GARNL3: variants seen among roughly 807,000 people sequenced by gnomAD.
The protein encoded by GARNL3 is GTPase activating Rap/RanGAP domain like 3, also known as GTPase-activating Rap/Ran-GAP domain-like protein 3.
Under a neutral mutation model 125.0 loss-of-function variants are expected in GARNL3, and 63 were observed. The ratio of observed to expected loss-of-function variants is 0.50; its 90% CI spans 0.41 to 0.62. The LOEUF (loss-of-function observed/expected upper bound fraction) is 0.62, where lower values mean the gene tolerates loss of function less well. Ranked by LOEUF, GARNL3 falls within the 20% of genes least tolerant of loss-of-function variation. The pLI is 0.00. For missense variants in GARNL3, 994 were observed against 1,244.0 expected (o/e 0.80, Z 3.02); for synonymous variants, 439 against 457.5 (o/e 0.96, Z 0.52).
At chr9:127,288,831 A>G (rs1189854846) in intron 1 of GARNL3, among the ~76,000 whole-genome samples, 2 of 152,188 alleles carry the variant, frequency 1.3e-5, no homozygotes, top group Non-Finnish European at 1.5e-5. Flanking sequence ...CTCTTCTCCC[A>G]AGCCTTCGAC....
intron 1 of GARNL3, among the ~76,000 whole-genome samples, chr9:127,239,858 T>C (rs2063173702): frequency 6.6e-6 from 1 of 152,064 alleles, no homozygotes; most frequent in African/African-American, 2.4e-5. Context: ...AGAGTAACGA[T>C]GCCAAAAAGA....
intron 2 of GARNL3, among the ~76,000 whole-genome samples, chr9:127,308,291 A>G (rs2065009308): frequency 6.6e-6 from 1 of 152,206 alleles, no homozygotes; most frequent in Admixed American, 6.6e-5. Flanking sequence ...TAACTGGGGA[A>G]ATATCAGACA....
rs1333153929 is a variant in GARNL3, at chr9:127,387,190, T to C, written c.2389-3T>C. 2.5e-6 allele frequency: 4 copies of C among 1,610,106 alleles called. No homozygotes were observed. The highest frequency in any genetic ancestry group is 3.4e-6 in the Non-Finnish European group (4 of 1,178,028). On this transcript the variant is annotated splice_polypyrimidine_tract_variant and splice_region_variant and intron_variant, in intron 24 of 27. Coordinates refer to ENST00000373387, the MANE Select transcript of GARNL3 (RefSeq NM_032293.5). ...CCCGGTAATGCTCTCTCTTCCTTTC[T>C]AGTCGGATATATACTTCACAGCAAC...
chr9:127,272,158 C>T (rs2063838496), intron 1 of GARNL3, among the ~76,000 whole-genome samples: 1 of 150,130 alleles, frequency 6.7e-6, no homozygotes, highest in South Asian at 2.1e-4. Context: ...TGTTCAGGCA[C>T]AGATTGGATT....
rs1480969272 is a variant in GARNL3, at chr9:127,242,693, A to C, written c.-28-386A>C. Among the ~76,000 whole-genome samples the C allele has an allele frequency of 6.6e-6, 1 of 152,120 alleles. No homozygotes were observed. Among genetic ancestry groups the C allele is most frequent in the Non-Finnish European group, 1.5e-5 (1 of 68,016 alleles). On this transcript the variant is annotated intron_variant, in intron 1 of 10. Coordinates refer to the GARNL3 transcript ENST00000439286. The surrounding 1 kb of genome is among the most constrained non-coding windows in gnomAD (Gnocchi z 4.6). Reference sequence around the variant, plus strand: ...AAACCAAGTGCTCCTGGACTACCCCAGTAATGGCCATGAAGTCCTACCACC... The same window carrying C: ...AAACCAAGTGCTCCTGGACTACCCCCGTAATGGCCATGAAGTCCTACCACC...
intron 1 of GARNL3, among the ~76,000 whole-genome samples, chr9:127,269,496 T>G (rs1269153666): frequency 6.6e-6 from 1 of 152,238 alleles, no homozygotes; most frequent in African/African-American, 2.4e-5. Context: ...ACTGCCAAAC[T>G]TGTTTCCACC....
intron 1 of GARNL3, among the ~76,000 whole-genome samples, chr9:127,278,143 CAT>C (rs1270599388): frequency 2.0e-5 from 3 of 152,116 alleles, no homozygotes; most frequent in Admixed American, 2.0e-4. Flanking sequence ...GAAAGGAATA[CAT>C]AGTCATTATA....
intron 2 of GARNL3, chr9:127,300,875 G>T: frequency 3.4e-6 from 1 of 298,018 alleles, no homozygotes; most frequent in South Asian, 3.1e-5. Flanking sequence ...GTAATGAACA[G>T]ACTCCACAAT....
rs184941285 is a variant in GARNL3, at chr9:127,268,198, C to T, written c.144+3177C>T. ...CACTTTAGAAACTAGCAGCCTCACACCGTGTCCCCAGGCTGTGTTGTATCT... is the reference window on the plus strand; with the variant it reads ...CACTTTAGAAACTAGCAGCCTCACATCGTGTCCCCAGGCTGTGTTGTATCT... On this transcript the variant is annotated intron_variant, in intron 1 of 27. Coordinates refer to ENST00000373387, the MANE Select transcript of GARNL3 (RefSeq NM_032293.5). 3.9e-5 allele frequency among the ~76,000 whole-genome samples: 6 copies of T among 152,358 alleles called. No homozygotes were observed. In the East Asian group the frequency reaches 9.6e-4, roughly 24 times the overall value.
intron 2 of GARNL3, among the ~76,000 whole-genome samples, chr9:127,293,503 C>T (rs1474992479): frequency 6.6e-6 from 1 of 152,006 alleles, no homozygotes; most frequent in East Asian, 1.9e-4. Context: ...TCATTGCTGG[C>T]ACGTCCGTTG....
intron 13 of GARNL3, 23 bp from the exon 14 acceptor site, chr9:127,342,196 C>G (rs1829896984): frequency 1.5e-6 from 2 of 1,369,526 alleles, no homozygotes; most frequent in South Asian, 2.3e-5. Flanking sequence ...TTGTAATTCC[C>G]TTTTTAACTT....
chr9:127,343,342 G>A (rs1829971207), intron 14 of GARNL3, among the ~76,000 whole-genome samples: 1 of 152,186 alleles, frequency 6.6e-6, no homozygotes, highest in South Asian at 2.1e-4. Context: ...GGTCAGGGAA[G>A]ACACAGAGAG....
chr9:127,251,682 A>G lies in GARNL3; in HGVS notation c.143+8433A>G, dbSNP rs7044471. On this transcript the variant is annotated intron_variant, in intron 2 of 10. Transcript: ENST00000439286. ...GCAAAATTCATGTCAGTTCCACAGC[A>G]TTTATTTTTATGTTTGAGACTAAGA... Among the ~76,000 whole-genome samples, 1,373 of 152,296 alleles carry G rather than the reference A, an allele frequency of 9.0e-3. 31 individuals are homozygous for G. Among genetic ancestry groups the G allele is most frequent in the African/African-American group, 0.031 (1,282 of 41,564 alleles).
chr9:127,300,321 G>T, intron 2 of GARNL3: 2 of 239,182 alleles, frequency 8.4e-6, no homozygotes, highest in Admixed American at 5.4e-5. Flanking sequence ...CTCTGTTGTG[G>T]GAATTTTGGC....
At position 127,385,078 on chromosome 9, in the gene GARNL3, G is replaced by A. The variant is rs1368892230; in HGVS notation, c.2321G>A (p.Arg774His). 5.0e-6 allele frequency: 8 copies of A among 1,612,796 alleles called. No individual in the cohort carries two copies. The highest frequency in any genetic ancestry group is 1.7e-4 in the Middle Eastern group (1 of 6,052). Residue 774 changes from arginine to histidine, a missense_variant, in exon 24 of 28, where the codon CGC (arginine) becomes CAC (histidine). By Grantham distance (29) the Arg-to-His change is conservative. Transcript: ENST00000373387. The surrounding 1 kb of genome is among the most constrained non-coding windows in gnomAD (Gnocchi z 4.1). Reference protein sequence around the residue: ...LAFTTDSMEIRLVVNGNLVHT... With the variant: ...LAFTTDSMEIHLVVNGNLVHT... ...TTCACCACCGACTCCATGGAGATCC[G>A]CCTGGTGGTGAACGGGAACCTGGTC...
chr9:127,392,246 A>G lies in GARNL3; in HGVS notation c.2871-837A>G, dbSNP rs1388880631. 6.6e-6 allele frequency among the ~76,000 whole-genome samples: 1 copy of G among 152,258 alleles called. No individual in the cohort carries two copies. Among genetic ancestry groups the G allele is most frequent in the Non-Finnish European group, 1.5e-5 (1 of 68,040 alleles). ...TCTAGTGTGGGAAAACAGACAGCCAACCTGTAAACAAGTAAGCAAATAAAA... is the reference window on the plus strand; with the variant it reads ...TCTAGTGTGGGAAAACAGACAGCCAGCCTGTAAACAAGTAAGCAAATAAAA... On this transcript the variant is annotated intron_variant, in intron 27 of 27. Transcript: ENST00000373387. This position sits in a 1 kb window ranked among gnomAD's most constrained non-coding sequence, Gnocchi z 5.2.
At chr9:127,341,568 G>A (rs1335635836) in intron 13 of GARNL3, among the ~76,000 whole-genome samples, 2 of 152,208 alleles carry the variant, frequency 1.3e-5, no homozygotes, top group Non-Finnish European at 2.9e-5. Context: ...AACAGAGTGG[G>A]TGTAGCTACT....
intron 1 of GARNL3, among the ~76,000 whole-genome samples, chr9:127,240,014 A>G (rs2063176214): frequency 6.6e-6 from 1 of 152,238 alleles, no homozygotes; most frequent in African/African-American, 2.4e-5. Flanking sequence ...AAGAATGTAA[A>G]CAATGTATTC....
intron 2 of GARNL3, among the ~76,000 whole-genome samples, chr9:127,246,333 T>G (rs2063303554): frequency 6.6e-6 from 1 of 152,082 alleles, no homozygotes; most frequent in South Asian, 2.1e-4. Flanking sequence ...TGGGATTGAT[T>G]TGGGAAGTAT....
Sources: allele counts gnomAD v4.1 joint callset (sites outside exome capture counted in the v4.1 genomes callset), GRCh38; gene constraint gnomAD v4.1.1; non-coding constraint Gnocchi (gnomAD v3.1); transcripts MANE v1.5; gene names NCBI Gene and HGNC (gene_info 2026-07-23, HGNC 2026-07-21).